Variants in DGKH observed in about 807,000 individuals in gnomAD.
DGKH encodes diacylglycerol kinase eta, also known as DAG kinase eta.
In DGKH, 90 loss-of-function variants were observed where a neutral mutation model predicts 159.3. The ratio of observed to expected loss-of-function variants is 0.57; its 90% confidence interval spans 0.48 to 0.67. DGKH has a LOEUF of 0.67. DGKH is among the 30% of genes least tolerant of loss of function. DGKH has a pLI of 0.00. For missense variants in DGKH, 1,181 were observed against 1,506.1 expected, an observed-to-expected ratio of 0.78 and a Z score of 3.57; for synonymous variants, 536 against 553.8, an observed-to-expected ratio of 0.97 and a Z score of 0.45.
At chr13:42,251,140 C>T (rs1238806257) in intron 29 of DGKH, among the ~76,000 whole-genome samples, 1 of 151,938 alleles carries the variant, frequency 6.6e-6, no homozygotes, top group Non-Finnish European at 1.5e-5. Context: ...AAGTTAAAAA[C>T]CGAGATTAGT....
intron 1 of DGKH, among the ~76,000 whole-genome samples, chr13:42,053,741 C>T (rs1392406174): frequency 6.6e-6 from 1 of 151,780 alleles, no homozygotes; most frequent in East Asian, 1.9e-4. Context: ...GTCTCAGCCT[C>T]CTGAGTTGCT....
At chr13:42,164,557 G>A (rs908586346) in intron 7 of DGKH, among the ~76,000 whole-genome samples, 3 of 152,196 alleles carry the variant, frequency 2.0e-5, no homozygotes, top group Non-Finnish European at 2.9e-5. Context: ...ATAAGAACTT[G>A]ATGAAAAGTG....
At chr13:42,133,579 C>T (rs1955336885) in intron 3 of DGKH, among the ~76,000 whole-genome samples, 2 of 152,134 alleles carry the variant, frequency 1.3e-5, no homozygotes, top group East Asian at 3.9e-4. Context: ...GCCTGTAGTG[C>T]CAGCTATTCT....
chr13:42,248,524 C>A (rs1027130930), intron 29 of DGKH, among the ~76,000 whole-genome samples: 1 of 142,556 alleles, frequency 7.0e-6, no homozygotes, highest in South Asian at 2.2e-4. Context: ...TATATTTATG[C>A]AATTATTTAA....
chr13:42,071,629 G>A (rs536754947), intron 1 of DGKH, among the ~76,000 whole-genome samples: 2 of 152,146 alleles, frequency 1.3e-5, no homozygotes, highest in Non-Finnish European at 2.9e-5. Flanking sequence ...AACCCCTGGC[G>A]GCTGTTGGAT....
At chr13:42,051,425 CACAT>C (rs892577709) in intron 1 of DGKH, among the ~76,000 whole-genome samples, 19 of 152,226 alleles carry the variant, frequency 1.2e-4, no homozygotes, top group African/African-American at 4.6e-4. Flanking sequence ...CGTCTTTTAT[CACAT>C]ATACTGATTC....
intron 3 of DGKH, among the ~76,000 whole-genome samples, chr13:42,132,086 G>A (rs957685766): frequency 6.6e-6 from 1 of 152,164 alleles, no homozygotes; most frequent in South Asian, 2.1e-4. Flanking sequence ...GAGCCTCATG[G>A]AGGGTGAATA....
intron 17 of DGKH, 23 bp downstream of exon 17, chr13:42,195,039 G>A (rs774846935): frequency 3.0e-5 from 48 of 1,603,940 alleles, no homozygotes; most frequent in East Asian, 2.7e-4. Flanking sequence ...CTGAAACATC[G>A]TGTATTTTTC....
At chr13:42,160,887 T>A (rs1403788980) in intron 7 of DGKH, among the ~76,000 whole-genome samples, 1 of 109,344 alleles carries the variant, frequency 9.1e-6, no homozygotes, top group Non-Finnish European at 2.1e-5. Context: ...GATCAGCAAA[T>A]GTAAGAGATG....
chr13:42,159,585 G>A (rs1956128214), intron 6 of DGKH, among the ~76,000 whole-genome samples: 3 of 152,178 alleles, frequency 2.0e-5, no homozygotes, highest in South Asian at 2.1e-4. Flanking sequence ...GCTTAGAAGT[G>A]GCCGTTGTGC....
chr13:42,196,725 T>C (rs1471736825), intron 17 of DGKH, among the ~76,000 whole-genome samples: 2 of 152,210 alleles, frequency 1.3e-5, no homozygotes, highest in Non-Finnish European at 2.9e-5. Flanking sequence ...CAACTTTGTG[T>C]ATATATTACA....
chr13:42,191,514 A>G (rs1025019830), intron 16 of DGKH, among the ~76,000 whole-genome samples: 1 of 152,198 alleles, frequency 6.6e-6, no homozygotes, highest in Admixed American at 6.5e-5. Context: ...AAATTATAAA[A>G]AAAGAAATTG....
chr13:42,237,013 C>G lies in DGKH; in HGVS notation c.*7825C>G, dbSNP rs925025722. 1 of 152,104 alleles carries G rather than the reference C, an allele frequency of 6.6e-6. No homozygotes were observed. Among genetic ancestry groups the G allele is most frequent in the Non-Finnish European group, 1.5e-5 (1 of 68,026 alleles). 9.4% of individuals were successfully genotyped at this position (152,104 alleles called of 1,614,324 possible). A position where few individuals can be genotyped will look rare whatever the true frequency, so the allele number is the denominator to read the frequency against. On this transcript the variant is annotated 3_prime_UTR_variant, in exon 30 of 30. Coordinates refer to ENST00000337343, the MANE Select transcript of DGKH (RefSeq NM_178009.5). ...TTTGCATTTGGTTCTGGGATAGTAA[C>G]CGTTATGGATAATTGTTTGTTTCTG...
intron 30 of DGKH, among the ~76,000 whole-genome samples, chr13:42,253,296 G>A (rs1958633470): frequency 6.6e-6 from 1 of 152,078 alleles, no homozygotes; most frequent in Non-Finnish European, 1.5e-5. Flanking sequence ...AGAGGATTCA[G>A]AGAGCTCCCT....
chr13:42,151,395 T>C (rs1413042016), intron 3 of DGKH, among the ~76,000 whole-genome samples: 1 of 151,636 alleles, frequency 6.6e-6, no homozygotes, highest in Non-Finnish European at 1.5e-5. Flanking sequence ...GTTATTTCGC[T>C]GAAGATTAAT....
At chr13:42,219,035 G>C (rs1159184322) in intron 26 of DGKH, among the ~76,000 whole-genome samples, 195 bp from the exon 27 acceptor site, 1 of 152,126 alleles carries the variant, frequency 6.6e-6, no homozygotes, top group Non-Finnish European at 1.5e-5. Flanking sequence ...GTAATGATTA[G>C]ATTAAATCTA....
chr13:42,113,463 C>T (rs888199002), intron 1 of DGKH, among the ~76,000 whole-genome samples: 6 of 152,152 alleles, frequency 3.9e-5, no homozygotes, highest in African/African-American at 1.2e-4. Flanking sequence ...TTTAATAGAG[C>T]TTAGTGTCAT....
intron 29 of DGKH, among the ~76,000 whole-genome samples, chr13:42,225,772 C>CAAAA (rs66933711): frequency 8.3e-6 from 1 of 120,420 alleles, no homozygotes; most frequent in Non-Finnish European, 1.8e-5. Context: ...GACTCTGTCT[C>CAAAA]AAAAAAAAAA....
At chr13:42,042,152 C>T (rs1420976156) in intron 1 of DGKH, among the ~76,000 whole-genome samples, 1 of 152,208 alleles carries the variant, frequency 6.6e-6, no homozygotes, top group East Asian at 1.9e-4. Flanking sequence ...TTGTTTCTTC[C>T]ATTGTGGTTA....
Sources: gnomAD v4.1 joint callset for allele counts (sites outside exome capture counted in the v4.1 genomes callset) on GRCh38, gnomAD v4.1.1 for gene constraint, MANE v1.5 for transcripts, NCBI Gene and HGNC (gene_info 2026-07-23, HGNC 2026-07-21) for gene names.